SLC38A12: variants seen among roughly 807,000 people sequenced by gnomAD.
SLC38A12 encodes the protein solute carrier family 38 member 12, also known as putative sodium-coupled neutral amino acid transporter 12.
At chr17:74,777,337 G>A in the SLC38A12 span, 1 of 1,614,234 alleles carries the variant, frequency 6.2e-7, no homozygotes, top group South Asian at 1.1e-5. Context: ...GGAAATGGCG[G>A]GTGAAATTAC....
chr17:74,794,100 C>A, the SLC38A12 span, among the ~76,000 whole-genome samples: 1 of 152,230 alleles, frequency 6.6e-6, no homozygotes, highest in Non-Finnish European at 1.5e-5. Context: ...TGAGCAGTAA[C>A]CCTTAGGTCA....
the SLC38A12 span, among the ~76,000 whole-genome samples, chr17:74,828,796 T>C: frequency 6.6e-6 from 1 of 152,090 alleles, no homozygotes; most frequent in South Asian, 2.1e-4. Context: ...AGCGTCCCCA[T>C]GCAAATCAGG....
chr17:74,810,567 T>G, the SLC38A12 span, among the ~76,000 whole-genome samples: 1 of 152,132 alleles, frequency 6.6e-6, no homozygotes, highest in Non-Finnish European at 1.5e-5. Context: ...TGAGAATTGG[T>G]GGGGGCAAGA....
At chr17:74,803,270 G>C in the SLC38A12 span, among the ~76,000 whole-genome samples, 1 of 152,214 alleles carries the variant, frequency 6.6e-6, no homozygotes, top group Admixed American at 6.5e-5. Context: ...CAAAGGTGCA[G>C]AACCCCAAAG....
chr17:74,810,785 G>A, the SLC38A12 span, among the ~76,000 whole-genome samples: 3 of 152,322 alleles, frequency 2.0e-5, no homozygotes, highest in East Asian at 5.8e-4. Flanking sequence ...GCAGAATTCG[G>A]ACGACCTCCT....
chr17:74,790,454 T>A, the SLC38A12 span, among the ~76,000 whole-genome samples: 1 of 152,106 alleles, frequency 6.6e-6, no homozygotes, highest in Non-Finnish European at 1.5e-5. Context: ...GAGCACAGGG[T>A]TTCAGTCCTG....
At chr17:74,836,417 G>A in the SLC38A12 span, 272 of 1,610,000 alleles carry the variant, frequency 1.7e-4, no homozygotes, top group Middle Eastern at 2.3e-3. This position sits in a 1 kb window ranked among gnomAD's most constrained non-coding sequence, Gnocchi z 4.2. Flanking sequence ...CCCTGGTGCC[G>A]CCTGTGCTGG....
At chr17:74,788,774 A>G in the SLC38A12 span, 5 of 1,611,534 alleles carry the variant, frequency 3.1e-6, no homozygotes, top group Admixed American at 1.7e-5. Context: ...GGCGCTGGGC[A>G]CTCGGCCCCC....
chr17:74,788,233 A>T, the SLC38A12 span, among the ~76,000 whole-genome samples: 11 of 152,250 alleles, frequency 7.2e-5, no homozygotes, highest in African/African-American at 2.7e-4. Flanking sequence ...TAGCCAGATT[A>T]TTTGGAAAGT....
the SLC38A12 span, among the ~76,000 whole-genome samples, chr17:74,819,212 G>C: frequency 6.6e-6 from 1 of 152,188 alleles, no homozygotes; most frequent in Non-Finnish European, 1.5e-5. Context: ...AGTCAAAAAC[G>C]TGGCCCATGC....
the SLC38A12 span, chr17:74,790,278 C>T: frequency 2.6e-5 from 42 of 1,614,092 alleles, no homozygotes; most frequent in Non-Finnish European, 3.5e-5. Flanking sequence ...GGCAGAGAAG[C>T]GGCCCATCCT....
the SLC38A12 span, chr17:74,839,111 C>A: frequency 6.5e-7 from 1 of 1,531,342 alleles, no homozygotes; most frequent in African/African-American, 1.4e-5. Context: ...AGCCCCAGAG[C>A]CTCATGCCAG....
the SLC38A12 span, among the ~76,000 whole-genome samples, chr17:74,808,525 A>G: frequency 2.0e-5 from 3 of 152,078 alleles, no homozygotes; most frequent in African/African-American, 7.2e-5. Context: ...GTGCCAGTCC[A>G]CTTGCTGGTT....
the SLC38A12 span, among the ~76,000 whole-genome samples, chr17:74,808,706 C>A: frequency 6.6e-6 from 1 of 152,218 alleles, no homozygotes; most frequent in East Asian, 1.9e-4. Context: ...GAGCTTAATA[C>A]CAGCTCCCAG....
chr17:74,798,437 C>T, the SLC38A12 span, among the ~76,000 whole-genome samples: 1 of 152,216 alleles, frequency 6.6e-6, no homozygotes, highest in African/African-American at 2.4e-5. Context: ...CCTCCCAAAG[C>T]CCTTGACCTT....
the SLC38A12 span, among the ~76,000 whole-genome samples, chr17:74,816,401 C>T: frequency 3.3e-3 from 495 of 152,304 alleles, 3 homozygotes; most frequent in African/African-American, 0.011. Flanking sequence ...GTAAGGGACA[C>T]AGGAGGACAG....
chr17:74,822,937 C>T, the SLC38A12 span, among the ~76,000 whole-genome samples: 34 of 152,316 alleles, frequency 2.2e-4, no homozygotes, highest in Non-Finnish European at 4.3e-4. Flanking sequence ...GGAGGGACCC[C>T]ACGAGGGTTT....
the SLC38A12 span, among the ~76,000 whole-genome samples, chr17:74,796,156 A>T: frequency 6.6e-6 from 1 of 152,094 alleles, no homozygotes; most frequent in Non-Finnish European, 1.5e-5. Flanking sequence ...CTCGTTCTTG[A>T]TTGCTTTGTG....
chr17:74,794,962 A>T, the SLC38A12 span: 1 of 1,475,560 alleles, frequency 6.8e-7, no homozygotes, highest in South Asian at 1.2e-5. Context: ...AAAAAAAAAC[A>T]TGCAGACATC....
Sources: gnomAD v4.1 joint callset for allele counts (sites outside exome capture counted in the v4.1 genomes callset) on GRCh38, gnomAD v4.1.1 for gene constraint, Gnocchi (gnomAD v3.1) non-coding constraint, MANE v1.5 for transcripts, NCBI Gene and HGNC (gene_info 2026-07-23, HGNC 2026-07-21) for gene names.